Variants in RAP2A observed in about 807,000 individuals in gnomAD.
RAP2A encodes RAP2A, member of RAS oncogene family.
A neutral mutation model predicts 15.1 loss-of-function variants in RAP2A; 5 were observed. The ratio of observed to expected loss-of-function variants is 0.33; its 90% CI spans 0.17 to 0.70. RAP2A has a LOEUF of 0.70. RAP2A is among the 30% of genes least tolerant of loss of function. The pLI is 0.68. For synonymous variants in RAP2A, 110 were observed against 99.7 expected (o/e 1.10, Z -0.62); for missense variants, 111 against 240.3 (o/e 0.46, Z 3.56).
At chr13:97,437,568 A>G (rs933390849) in intron 1 of RAP2A, 1 of 152,228 alleles carries the variant, frequency 6.6e-6, no homozygotes, top group East Asian at 1.9e-4. Flanking sequence ...TTTGTCATTT[A>G]TCTTCCTTAA....
At chr13:97,458,245 T>C (rs1287676733) in intron 1 of RAP2A, among the ~76,000 whole-genome samples, 1 of 152,168 alleles carries the variant, frequency 6.6e-6, no homozygotes, top group Non-Finnish European at 1.5e-5. Flanking sequence ...CTGATTCTCA[T>C]TTCCAAATTC....
In RAP2A at chr13:97,464,699, T is replaced by C. The variant is rs567368008; in HGVS notation, c.*257T>C. On this transcript the variant is annotated 3_prime_UTR_variant, in exon 2 of 2. Transcript: ENST00000245304. The stretch of plus-strand genomic sequence containing the variant: ...AGGCATAGTCCATCGATCTACAGGG[T>C]GATCTCATTTGAAAGCTATGATGGC... 6.4e-6 allele frequency: 3 copies of C among 470,534 alleles called. No individual in the cohort carries two copies. The highest frequency in any genetic ancestry group is 3.5e-5 in the East Asian group (1 of 28,938). The allele number at this position is 470,534 out of a possible 1,614,324, so 29.1% of individuals were successfully genotyped here. A position where few individuals can be genotyped will look rare whatever the true frequency, so the allele number is the denominator to read the frequency against.
At chr13:97,438,416 C>T (rs1211299157) in intron 1 of RAP2A, among the ~76,000 whole-genome samples, 1 of 152,198 alleles carries the variant, frequency 6.6e-6, no homozygotes, top group Admixed American at 6.5e-5. Flanking sequence ...TGGAAATCTA[C>T]CTTTTTGCAG....
chr13:97,464,301 G>C lies in RAP2A; in HGVS notation c.411G>C (p.Glu137Asp), dbSNP rs1468865485. Residue 137 changes from glutamate to aspartate, a missense_variant, in exon 2 of 2, where the codon GAG becomes GAC. By Grantham distance (45) the Glu-to-Asp change is conservative. Coordinates refer to ENST00000245304, the MANE Select transcript of RAP2A (RefSeq NM_021033.7). Reference protein sequence around the residue: ...SSSEGRALAEEWGCPFMETSA... With the variant: ...SSSEGRALAEDWGCPFMETSA... ...GCGAAGGCAGAGCCCTTGCTGAAGAGTGGGGCTGCCCCTTTATGGAAACTT... is the reference window on the plus strand; with the variant it reads ...GCGAAGGCAGAGCCCTTGCTGAAGACTGGGGCTGCCCCTTTATGGAAACTT... The C allele has an allele frequency of 6.2e-7, 1 of 1,614,246 alleles. No individual in the cohort carries two copies. The highest frequency in any genetic ancestry group is 8.5e-7 in the Non-Finnish European group (1 of 1,180,046).
At position 97,438,451 on chromosome 13, in the gene RAP2A, C is replaced by T. The variant is rs148690968; in HGVS notation, c.314+3667C>T. ...GAGTTAATTCCTACTCCGTCTTTCA[C>T]CCTCACCCCTGCTTAACCCATTTAT... On this transcript the variant is annotated intron_variant, in intron 1 of 1. Coordinates refer to ENST00000245304, the MANE Select transcript of RAP2A (RefSeq NM_021033.7). Among the ~76,000 whole-genome samples, 225 of 152,278 alleles carry T rather than the reference C, an allele frequency of 1.5e-3. 1 individual carries two copies. Among genetic ancestry groups the T allele is most frequent in the African/African-American group, 3.4e-3 (143 of 41,550 alleles).
In RAP2A at chr13:97,468,830, C is replaced by CT. The variant is rs2066783524; in HGVS notation, c.*4389dup. ...GTCTTTGAGGCTAAAAAGTAGTACT[C>CT]TGAAATTCTCTCAAGTTATATTATT... On this transcript the variant is annotated 3_prime_UTR_variant, in exon 2 of 2. Transcript: ENST00000245304. The CT allele has an allele frequency of 6.6e-6, 1 of 152,146 alleles. No individual in the cohort carries two copies. The highest frequency in any genetic ancestry group is 2.4e-5 in the African/African-American group (1 of 41,436). The allele number at this position is 152,146 out of a possible 1,614,324, so 9.4% of individuals were successfully genotyped here. A position where few individuals can be genotyped will look rare whatever the true frequency, so the allele number is the denominator to read the frequency against.
intron 1 of RAP2A, among the ~76,000 whole-genome samples, chr13:97,446,890 CAAA>C (rs1396318336): frequency 6.6e-6 from 1 of 152,156 alleles, no homozygotes; most frequent in Non-Finnish European, 1.5e-5. Context: ...GAGTTCTGCC[CAAA>C]TTGTTGACCC....
At chr13:97,447,360 G>T (rs1355129457) in intron 1 of RAP2A, among the ~76,000 whole-genome samples, 2 of 152,196 alleles carry the variant, frequency 1.3e-5, no homozygotes, top group Non-Finnish European at 2.9e-5. Context: ...TACCCACAGG[G>T]TGTACTGTTT....
intron 1 of RAP2A, among the ~76,000 whole-genome samples, chr13:97,458,224 G>A (rs1042397493): frequency 6.6e-6 from 1 of 152,108 alleles, no homozygotes; most frequent in African/African-American, 2.4e-5. Flanking sequence ...AGGGGACTTA[G>A]AAAAGCCTTT....
At chr13:97,448,379 A>G (rs1233610463) in intron 1 of RAP2A, among the ~76,000 whole-genome samples, 2 of 152,194 alleles carry the variant, frequency 1.3e-5, no homozygotes, top group African/African-American at 4.8e-5. Flanking sequence ...GTAGTATTTT[A>G]CAATATCCAC....
In RAP2A at chr13:97,465,450, G is replaced by C. The variant is rs1173132188; in HGVS notation, c.*1008G>C. The C allele has an allele frequency of 6.6e-6, 1 of 152,666 alleles. No homozygotes were observed. The highest frequency in any genetic ancestry group is 1.5e-5 in the Non-Finnish European group (1 of 68,046). The allele number at this position is 152,666 out of a possible 1,614,324, so 9.5% of individuals were successfully genotyped here. On this transcript the variant is annotated 3_prime_UTR_variant, in exon 2 of 2. Transcript: ENST00000245304. ...CGCCTTTAAGGGCTATGGTTGTAGT[G>C]TGACCCGTGGCTAACCTGCTTTCAA...
chr13:97,463,411 TTTAG>T lies in RAP2A; in HGVS notation c.315-789_315-786del, dbSNP rs1194509427. Among the ~76,000 whole-genome samples, 10 of 152,174 alleles carry T rather than the reference TTTAG, an allele frequency of 6.6e-5. No individual in the cohort carries two copies. In the East Asian group the frequency reaches 1.3e-3, roughly 20 times the overall value. On this transcript the variant is annotated intron_variant, in intron 1 of 1. Transcript: ENST00000245304. ...AACGTGTTTACTCAGAGATACCTAT[TTTAG>T]TTAGGAAGAAAAAGAGAAATAACAC... is the stretch of plus-strand genomic sequence containing the variant.
chr13:97,461,153 A>C (rs1171432739), intron 1 of RAP2A, among the ~76,000 whole-genome samples: 14 of 152,208 alleles, frequency 9.2e-5, no homozygotes, highest in Admixed American at 9.2e-4. Flanking sequence ...TATCAAAGAA[A>C]TGAAATACAG....
chr13:97,458,714 G>T (rs577028653), intron 1 of RAP2A, among the ~76,000 whole-genome samples: 1 of 152,104 alleles, frequency 6.6e-6, no homozygotes, highest in Non-Finnish European at 1.5e-5. Context: ...GTTCAGACAC[G>T]ACCAGAATAA....
chr13:97,449,722 TTTTA>T (rs1055711993), intron 1 of RAP2A, among the ~76,000 whole-genome samples: 1 of 131,746 alleles, frequency 7.6e-6, no homozygotes, highest in Non-Finnish European at 1.7e-5. Flanking sequence ...TGTGCATTTG[TTTTA>T]TTTTTTTTTT....
At chr13:97,463,914 T>C (rs1217740941) in intron 1 of RAP2A, among the ~76,000 whole-genome samples, 1 of 152,254 alleles carries the variant, frequency 6.6e-6, no homozygotes, top group Non-Finnish European at 1.5e-5. Flanking sequence ...GGATTTAGTC[T>C]GAGTTTCTGA....
At position 97,434,440 on chromosome 13, in the gene RAP2A, C is replaced by G; in HGVS notation, c.-31C>G. On this transcript the variant is annotated 5_prime_UTR_variant, in exon 1 of 2. Coordinates refer to ENST00000245304, the MANE Select transcript of RAP2A (RefSeq NM_021033.7). ...GGCCGGCGTAGGTCTATGTCGCGGG[C>G]GGCGGCGGCGGCGGCGGCCGCGGAG... 7.2e-7 allele frequency: 1 copy of G among 1,393,530 alleles called. No individual in the cohort carries two copies. 86.3% of individuals were successfully genotyped at this position (1,393,530 alleles called of 1,614,324 possible).
chr13:97,459,630 A>T (rs2153180295), intron 1 of RAP2A, among the ~76,000 whole-genome samples: 1 of 152,270 alleles, frequency 6.6e-6, no homozygotes, highest in South Asian at 2.1e-4. Flanking sequence ...CTTCCCCTAG[A>T]ACCTGCACGG....
At position 97,436,047 on chromosome 13, in the gene RAP2A, T is replaced by G. The variant is rs78557538; in HGVS notation, c.314+1263T>G. ...ACCTATGAGATCAAAGAGAAGGCTC[T>G]CTCTCTATTGCTCCACCCCCCCTTA... On this transcript the variant is annotated intron_variant, in intron 1 of 1. Coordinates refer to ENST00000245304, the MANE Select transcript of RAP2A (RefSeq NM_021033.7). 20 of 152,306 alleles carry G rather than the reference T, an allele frequency of 1.3e-4. 1 individual carries two copies. In the East Asian group the frequency reaches 2.5e-3, roughly 19 times the overall value. 9.4% of individuals were successfully genotyped at this position (152,306 alleles called of 1,614,324 possible).
Sources: gnomAD v4.1 joint callset for allele counts (sites outside exome capture counted in the v4.1 genomes callset) on GRCh38, gnomAD v4.1.1 for gene constraint, MANE v1.5 for transcripts, NCBI Gene and HGNC (gene_info 2026-07-23, HGNC 2026-07-21) for gene names.